Variants in GLI2 observed in about 807,000 individuals in gnomAD.
GLI2 encodes GLI family zinc finger 2, also known as transcription activator GLI2.
GLI2 carries 22 observed loss-of-function variants against 78.9 expected under a neutral mutation model. The ratio of observed to expected loss-of-function variants is 0.28; its 90% CI spans 0.20 to 0.40. The LOEUF is 0.40. GLI2 is among the 10% of genes least tolerant of loss of function. The pLI is 1.00. For synonymous variants in GLI2, 974 were observed against 963.7 expected, an observed-to-expected ratio of 1.01 and a Z score of -0.20; for missense variants, 2,097 against 2,213.2, an observed-to-expected ratio of 0.95 and a Z score of 1.05.
Position 120,797,303 on chromosome 2 carries a change from G to A in GLI2, c.-18G>A. On this transcript the variant is annotated 5_prime_UTR_variant, in exon 2 of 14. Coordinates refer to ENST00000361492, the MANE Select transcript of GLI2 (RefSeq NM_001374353.1). ...TCTTCTCTTTTAGGATTGCCACCCA[G>A]GACGATGAGCGGCTGAGATGGAGAC... is the stretch of plus-strand genomic sequence containing the variant. The A allele has an allele frequency of 6.2e-7, 1 of 1,613,848 alleles. No homozygotes were observed.
chr2:120,835,497 C>T (rs937457895), intron 2 of GLI2, among the ~76,000 whole-genome samples: 10 of 151,872 alleles, frequency 6.6e-5, no homozygotes, highest in South Asian at 4.2e-4. Flanking sequence ...GAGATTCTCC[C>T]GCCTCAGCCT....
Position 120,989,434 on chromosome 2 carries a change from G to A in GLI2, c.3469G>A (p.Val1157Met). ...PPFPQGNLAV[V>M]QQKPAFGQYP... is the part of the protein sequence containing the mutation. The stretch of plus-strand genomic sequence containing the variant: ...CTTTCCTCAGGGCAACCTGGCGGTG[G>A]TGCAGCAGAAGCCTGCCTTTGGCCA... The change falls in exon 14 of 14, where the codon GTG becomes ATG. Residue 1157 changes from valine to methionine, a missense_variant. Coordinates refer to ENST00000361492, the MANE Select transcript of GLI2 (RefSeq NM_001374353.1). The A allele has an allele frequency of 6.2e-7, 1 of 1,613,098 alleles. No individual in the cohort carries two copies. Among genetic ancestry groups the A allele is most frequent in the Non-Finnish European group, 8.5e-7 (1 of 1,180,000 alleles).
chr2:120,958,708 A>G (rs1266262498), intron 5 of GLI2, among the ~76,000 whole-genome samples: 2 of 152,126 alleles, frequency 1.3e-5, no homozygotes, highest in African/African-American at 4.8e-5. Flanking sequence ...AGGTCCCCAG[A>G]TACCTCCCTG....
intron 1 of GLI2, among the ~76,000 whole-genome samples, chr2:120,788,366 C>T (rs62150671): frequency 0.036 from 5,468 of 152,250 alleles, 319 homozygotes; most frequent in African/African-American, 0.12. Context: ...ATGGCATCCT[C>T]GGTAGAGCAG....
chr2:120,831,776 T>C (rs1686371414), intron 2 of GLI2, among the ~76,000 whole-genome samples: 1 of 152,126 alleles, frequency 6.6e-6, no homozygotes, highest in African/African-American at 2.4e-5. Flanking sequence ...CTCACCCAAC[T>C]CTCCAGGCCT....
At chr2:120,835,548 G>A (rs1020859042) in intron 2 of GLI2, among the ~76,000 whole-genome samples, 1 of 151,920 alleles carries the variant, frequency 6.6e-6, no homozygotes, top group Non-Finnish European at 1.5e-5. Flanking sequence ...ACCACACCTG[G>A]CTAATGTTTG....
chr2:120,787,885 A>G (rs1243680093), intron 1 of GLI2, among the ~76,000 whole-genome samples: 2 of 152,190 alleles, frequency 1.3e-5, no homozygotes, highest in African/African-American at 4.8e-5. Context: ...TTACAAACAG[A>G]TGCCAACCCG....
At chr2:120,753,915 C>CAAAAA (rs1164921224) in intron 1 of GLI2, among the ~76,000 whole-genome samples, 1 of 64,678 alleles carries the variant, frequency 1.5e-5, no homozygotes, top group African/African-American at 5.1e-5. Context: ...GACTCCATCT[C>CAAAAA]AAAAAAAAAA....
At chr2:120,916,356 T>C (rs1321371339) in intron 2 of GLI2, among the ~76,000 whole-genome samples, 1 of 152,228 alleles carries the variant, frequency 6.6e-6, no homozygotes, top group Admixed American at 6.5e-5. Flanking sequence ...CAGGGCACAA[T>C]TGGGCATCCT....
chr2:120,918,176 G>C (rs942425587), intron 2 of GLI2, among the ~76,000 whole-genome samples: 1 of 152,218 alleles, frequency 6.6e-6, no homozygotes, highest in Admixed American at 6.5e-5. Context: ...CAAACCCTGT[G>C]TATGTCAAGG....
chr2:120,756,403 CCTG>C (rs1683035278), intron 1 of GLI2, among the ~76,000 whole-genome samples: 1 of 151,920 alleles, frequency 6.6e-6, no homozygotes, highest in South Asian at 2.1e-4. Context: ...GCTTTTATAT[CCTG>C]CTTTTTGTAG....
intron 2 of GLI2, among the ~76,000 whole-genome samples, chr2:120,822,220 G>T (rs1030922517): frequency 6.6e-6 from 1 of 152,264 alleles, no homozygotes; most frequent in Non-Finnish European, 1.5e-5. Flanking sequence ...GCACTGAACA[G>T]TGTCTGGAAG....
At chr2:120,909,615 C>T (rs1678713627) in intron 2 of GLI2, among the ~76,000 whole-genome samples, 2 of 152,280 alleles carry the variant, frequency 1.3e-5, no homozygotes, top group South Asian at 4.1e-4. Context: ...CCTGTAATCC[C>T]AGCACTTTGG....
At chr2:120,769,414 G>C (rs1467138734) in intron 1 of GLI2, among the ~76,000 whole-genome samples, 1 of 152,202 alleles carries the variant, frequency 6.6e-6, no homozygotes, top group African/African-American at 2.4e-5. Context: ...GGCATCCCCT[G>C]AACCTCAGTG....
At chr2:120,980,363 A>G (rs1224044648) in intron 10 of GLI2, among the ~76,000 whole-genome samples, 1 of 152,174 alleles carries the variant, frequency 6.6e-6, no homozygotes, top group Non-Finnish European at 1.5e-5. Flanking sequence ...TGTGTTTTTG[A>G]TTAGCACTTC....
Position 120,744,276 on chromosome 2 carries a change from T to C in GLI2, c.-31+7991T>C, listed in dbSNP as rs534743306. Among the ~76,000 whole-genome samples the C allele has an allele frequency of 2.0e-5, 3 of 152,294 alleles. No individual in the cohort carries two copies. The East Asian group carries it at 5.8e-4, about 29-fold the overall frequency. ...CTGTGGGTTGTGCTGTCATGATACA[T>C]TGTGTGTGTCCAGGCAGTGACAGTA... is the stretch of plus-strand genomic sequence containing the variant. On this transcript the variant is annotated intron_variant, in intron 1 of 13. Transcript: ENST00000361492.
chr2:120,753,753 C>G (rs371264364), intron 1 of GLI2, among the ~76,000 whole-genome samples: 2 of 151,978 alleles, frequency 1.3e-5, no homozygotes, highest in Non-Finnish European at 2.9e-5. Context: ...AAAAAATTAG[C>G]CGGGCGAGGT....
intron 2 of GLI2, among the ~76,000 whole-genome samples, chr2:120,842,165 A>T (rs1283665713): frequency 1.3e-5 from 2 of 151,642 alleles, no homozygotes; most frequent in African/African-American, 4.8e-5. Context: ...TCTCCCTCTC[A>T]GCCAGCCCCC....
chr2:120,955,094 G>A (rs189205787), intron 4 of GLI2, 151 bp from the exon 5 acceptor site: 1 of 667,226 alleles, frequency 1.5e-6, no homozygotes, highest in Admixed American at 2.4e-5. Context: ...AAACAGTGGG[G>A]CAGTGGGGGA....
Sources: allele counts gnomAD v4.1 joint callset (sites outside exome capture counted in the v4.1 genomes callset), GRCh38; gene constraint gnomAD v4.1.1; transcripts MANE v1.5; gene names NCBI Gene and HGNC (gene_info 2026-07-23, HGNC 2026-07-21).